The following ALS2 variants were observed in gnomAD, a reference collection of about 807,000 sequenced individuals.
ALS2 encodes the protein alsin Rho guanine nucleotide exchange factor ALS2.
A neutral mutation model predicts 203.4 loss-of-function variants in ALS2; 117 were observed. That is an observed-to-expected ratio of 0.58 (90% CI 0.50 to 0.67). The LOEUF is 0.67. Ranked by LOEUF, ALS2 falls within the 30% of genes least tolerant of loss-of-function variation. The pLI is 0.00. For synonymous variants in ALS2, 718 were observed against 725.9 expected, an observed-to-expected ratio of 0.99 and a Z score of 0.17; for missense variants, 1,715 against 1,989.4, an observed-to-expected ratio of 0.86 and a Z score of 2.62.
At position 201,711,024 on chromosome 2, in the gene ALS2, C is replaced by A; in HGVS notation, c.4089G>T (p.Glu1363Asp). The change falls in exon 26 of 34, where the codon GAG (glutamate) becomes GAT (aspartate). Residue 1363 changes from glutamate (E) to aspartate (D), a missense_variant. Glu to Asp is a conservative substitution (Grantham distance 45). Around this residue, in one of 3 missense-constraint regions of ALS2, gnomAD observed 1,227 missense variants for 1,413.5 expected, o/e 0.87. Transcript: ENST00000264276. ...IPQHVGAFSV[E>D]KYDDIRKYLI... is the part of the protein sequence containing the mutation. Reference sequence around the variant, plus strand: ...AATATTTCCTGATGTCATCATATTTCTCCACAGAGAAGGCACCAACATGCT... The same window carrying A: ...AATATTTCCTGATGTCATCATATTTATCCACAGAGAAGGCACCAACATGCT... 1 of 1,611,128 alleles carries A rather than the reference C, an allele frequency of 6.2e-7. No homozygotes were observed. Among genetic ancestry groups the A allele is most frequent in the Non-Finnish European group, 8.5e-7 (1 of 1,177,478 alleles).
rs780015850 is a variant in ALS2, at chr2:201,705,396, GA to G, written c.4626+19del. ...ATTAGAGAAAAGCATATTTGCTGAG[GA>G]AAAGAAAATCTACTATACCTTTTTA... On this transcript the variant is annotated intron_variant, in intron 30 of 33. Transcript: ENST00000264276. 17 of 1,612,490 alleles carry G rather than the reference GA, an allele frequency of 1.1e-5. No homozygotes were observed. The African/African-American group carries it at 2.3e-4, about 22-fold the overall frequency.
chr2:201,739,747 A>T (rs2106038982), intron 11 of ALS2, among the ~76,000 whole-genome samples: 1 of 151,172 alleles, frequency 6.6e-6, no homozygotes, highest in East Asian at 1.9e-4. Context: ...CCAGCTCAAA[A>T]AAAAAAAAAA....
In ALS2 at chr2:201,729,697, G is replaced by A. The variant is rs1360569248; in HGVS notation, c.2581-514C>T. Among the ~76,000 whole-genome samples the A allele has an allele frequency of 4.6e-5, 7 of 151,782 alleles. No individual in the cohort carries two copies. In the South Asian group the frequency reaches 1.0e-3, roughly 22 times the overall value. Reference sequence around the variant, plus strand: ...AGATCAAGACCATCCTGGCTAACACGGTAAAACCCCGTATTCACTAAAAAA... The same window carrying A: ...AGATCAAGACCATCCTGGCTAACACAGTAAAACCCCGTATTCACTAAAAAA... On this transcript the variant is annotated intron_variant, in intron 13 of 33. Coordinates refer to ENST00000264276, the MANE Select transcript of ALS2 (RefSeq NM_020919.4).
intron 3 of ALS2, chr2:201,765,469 G>A (rs1213100849): frequency 6.0e-6 from 1 of 166,970 alleles, no homozygotes; most frequent in African/African-American, 2.4e-5. Flanking sequence ...AAGTAAGATT[G>A]TTTTTAAAGT....
At chr2:201,710,099 CAACAAGAAACAACTTCATA>C (rs1455025981) in intron 26 of ALS2, 61 bp from the exon 27 acceptor site, 5 of 1,563,078 alleles carry the variant, frequency 3.2e-6, no homozygotes, top group Non-Finnish European at 4.4e-6. Flanking sequence ...AACAATCCAT[CAACAAGAAACAACTTCATA>C]AATGACACAC....
chr2:201,743,183 G>C (rs536298197), intron 10 of ALS2, among the ~76,000 whole-genome samples: 1 of 152,162 alleles, frequency 6.6e-6, no homozygotes, highest in Admixed American at 6.5e-5. Context: ...CAACACAGTG[G>C]GGCAAGGAGT....
At chr2:201,771,174 G>A (rs1694364206) in intron 1 of ALS2, among the ~76,000 whole-genome samples, 1 of 150,504 alleles carries the variant, frequency 6.6e-6, no homozygotes. Context: ...AGCCTCCCGA[G>A]TAGCTGGGAT....
intron 2 of ALS2, among the ~76,000 whole-genome samples, chr2:201,767,837 C>T (rs1694175816): frequency 6.9e-6 from 1 of 145,726 alleles, no homozygotes; most frequent in Non-Finnish European, 1.5e-5. Context: ...CACTGCACTC[C>T]AGCCTGGGCG....
At chr2:201,729,858 C>G (rs1262696658) in intron 13 of ALS2, among the ~76,000 whole-genome samples, 1 of 109,348 alleles carries the variant, frequency 9.1e-6, no homozygotes, top group Non-Finnish European at 1.7e-5. Context: ...CCAGTCTGGG[C>G]AACAGAGCGA....
chr2:201,746,911 G>A (rs1692701497), intron 8 of ALS2, among the ~76,000 whole-genome samples, 163 bp from the exon 9 acceptor site: 1 of 152,188 alleles, frequency 6.6e-6, no homozygotes, highest in South Asian at 2.1e-4. Flanking sequence ...TGCAGAGCAG[G>A]TGCAGGAGTA....
chr2:201,738,477 A>G, intron 12 of ALS2, 193 bp downstream of exon 12: 2 of 601,412 alleles, frequency 3.3e-6, no homozygotes, highest in Non-Finnish European at 5.9e-6. Flanking sequence ...TACTTTTTCA[A>G]TAGCATACTA....
At chr2:201,768,054 T>C (rs1346301752) in intron 2 of ALS2, among the ~76,000 whole-genome samples, 1 of 152,146 alleles carries the variant, frequency 6.6e-6, no homozygotes, top group Admixed American at 6.5e-5. Context: ...CATGCCCAAG[T>C]TGAAGTCTTA....
chr2:201,779,475 T>C (rs919004926), intron 1 of ALS2, among the ~76,000 whole-genome samples: 1 of 152,248 alleles, frequency 6.6e-6, no homozygotes, highest in Admixed American at 6.5e-5. Flanking sequence ...ACACCAAAAT[T>C]ACTACAGAAC....
At chr2:201,774,026 A>G (rs1414920516) in intron 1 of ALS2, among the ~76,000 whole-genome samples, 1 of 152,244 alleles carries the variant, frequency 6.6e-6, no homozygotes, top group Non-Finnish European at 1.5e-5. Flanking sequence ...GAATATAAAC[A>G]GGAGGTGACA....
intron 10 of ALS2, among the ~76,000 whole-genome samples, chr2:201,743,502 C>G (rs749509267): frequency 6.6e-6 from 1 of 151,896 alleles, no homozygotes; most frequent in African/African-American, 2.4e-5. Context: ...TTTTTGTCCC[C>G]GAGATGGAGT....
intron 29 of ALS2, among the ~76,000 whole-genome samples, chr2:201,706,614 T>C (rs1370836322): frequency 1.3e-5 from 2 of 148,596 alleles, no homozygotes; most frequent in Admixed American, 6.7e-5. Context: ...TTACTATATA[T>C]ATGAAAACAT....
At chr2:201,730,253 TTGAA>T (rs1691473446) in intron 13 of ALS2, among the ~76,000 whole-genome samples, 1 of 152,180 alleles carries the variant, frequency 6.6e-6, no homozygotes, top group Non-Finnish European at 1.5e-5. Flanking sequence ...ATCATGCACT[TTGAA>T]TGGGTCTTTT....
intron 12 of ALS2, among the ~76,000 whole-genome samples, chr2:201,734,905 T>C (rs1691784936): frequency 6.6e-6 from 1 of 151,936 alleles, no homozygotes; most frequent in Non-Finnish European, 1.5e-5. Flanking sequence ...GTCTGTACTT[T>C]TTACTCAGAT....
chr2:201,721,639 C>G (rs1443461714), intron 23 of ALS2, among the ~76,000 whole-genome samples: 1 of 151,408 alleles, frequency 6.6e-6, no homozygotes, highest in African/African-American at 2.4e-5. Context: ...GAATCACAGA[C>G]CTAAATATAA....
Sources: gnomAD v4.1 joint callset for allele counts (sites outside exome capture counted in the v4.1 genomes callset) on GRCh38, gnomAD v4.1.1 for gene constraint, gnomAD v4.1.1 regional missense constraint, MANE v1.5 for transcripts, NCBI Gene and HGNC (gene_info 2026-07-23, HGNC 2026-07-21) for gene names.